SLC30A9: variants seen among roughly 807,000 people sequenced by gnomAD.
SLC30A9 encodes the protein proton-coupled zinc antiporter SLC30A9, mitochondrial.
A neutral mutation model predicts 87.5 loss-of-function variants in SLC30A9; 58 were observed. The observed-to-expected ratio is 0.66, with a 90% CI of 0.54 to 0.82. The LOEUF (loss-of-function observed/expected upper bound fraction) is 0.82. Among genes scored for constraint, SLC30A9 ranks in the 40% least tolerant of loss-of-function variants. The pLI is 0.00. For synonymous variants in SLC30A9, 234 were observed against 233.0 expected (o/e 1.00, Z -0.04); for missense variants, 557 against 679.1 (o/e 0.82, Z 2.00).
At chr4:42,085,258 G>T (rs1428988684) in intron 17 of SLC30A9, among the ~76,000 whole-genome samples, 4 of 152,140 alleles carry the variant, frequency 2.6e-5, no homozygotes, top group Non-Finnish European at 5.9e-5. Context: ...GATCTCATGA[G>T]CAAAATGGCT....
At chr4:42,031,679 G>A (rs1716444157) in intron 6 of SLC30A9, among the ~76,000 whole-genome samples, 1 of 152,128 alleles carries the variant, frequency 6.6e-6, no homozygotes, top group African/African-American at 2.4e-5. Flanking sequence ...TCCCAATTAA[G>A]TGAAATATTT....
chr4:42,029,087 G>A (rs1437581145), intron 6 of SLC30A9: 7 of 245,748 alleles, frequency 2.8e-5, no homozygotes, highest in Non-Finnish European at 2.5e-5. Flanking sequence ...CGCAGTGGCA[G>A]TGGTGTGTCC....
At chr4:42,070,353 C>T (rs1718260397) in intron 14 of SLC30A9, 173 bp from the exon 15 acceptor site, 1 of 504,012 alleles carries the variant, frequency 2.0e-6, no homozygotes, top group Non-Finnish European at 3.5e-6. Flanking sequence ...GTTGTAGCAT[C>T]CTCATTTTGT....
chr4:42,082,249 T>A (rs1189084360), intron 17 of SLC30A9, among the ~76,000 whole-genome samples: 2 of 142,872 alleles, frequency 1.4e-5, no homozygotes, highest in African/African-American at 4.9e-5. Flanking sequence ...TAAAATAAAA[T>A]AAAGATAATA....
At chr4:41,990,882 C>T (rs928226919) in intron 1 of SLC30A9, 122 bp downstream of exon 1, 3 of 706,228 alleles carry the variant, frequency 4.2e-6, no homozygotes, top group Non-Finnish European at 4.8e-6. Context: ...ACCTTCCTTT[C>T]TGGCCTCCGC....
At chr4:42,022,234 T>G (rs1452247529) in intron 4 of SLC30A9, among the ~76,000 whole-genome samples, 1 of 146,080 alleles carries the variant, frequency 6.8e-6, no homozygotes, top group Admixed American at 7.5e-5. Flanking sequence ...CGCACCTTGC[T>G]TATTTTTCAC....
At chr4:42,071,676 A>T (rs1226534347) in intron 15 of SLC30A9, among the ~76,000 whole-genome samples, 3 of 30,382 alleles carry the variant, frequency 9.9e-5, no homozygotes, top group African/African-American at 1.5e-4. Context: ...ACCCTGTCTC[A>T]AAAAAAAAAA....
intron 8 of SLC30A9, among the ~76,000 whole-genome samples, chr4:42,045,425 A>G (rs184120050): frequency 6.6e-6 from 1 of 152,166 alleles, no homozygotes; most frequent in African/African-American, 2.4e-5. Flanking sequence ...TCAGAGAATA[A>G]TATAAACACC....
intron 17 of SLC30A9, 137 bp from the exon 18 acceptor site, chr4:42,085,945 T>C (rs143070859): frequency 1.8e-5 from 5 of 277,952 alleles, no homozygotes; most frequent in African/African-American, 5.6e-5. Flanking sequence ...TTTTTTCTTA[T>C]GCAACTATTT....
At chr4:42,085,983 G>A in intron 17 of SLC30A9, 99 bp from the exon 18 acceptor site, 1 of 330,616 alleles carries the variant, frequency 3.0e-6, no homozygotes, top group Non-Finnish European at 5.5e-6. Context: ...TAGTGAAATA[G>A]TTTGCAAATG....
At chr4:42,031,278 A>C (rs1716423212) in intron 6 of SLC30A9, among the ~76,000 whole-genome samples, 1 of 152,220 alleles carries the variant, frequency 6.6e-6, no homozygotes, top group Non-Finnish European at 1.5e-5. Context: ...AAAAAAAAAA[A>C]CAGAAGACAT....
intron 6 of SLC30A9, among the ~76,000 whole-genome samples, chr4:42,031,126 A>T (rs1716414693): frequency 6.6e-6 from 1 of 152,224 alleles, no homozygotes; most frequent in Admixed American, 6.5e-5. Context: ...TATACAAAGC[A>T]ATGCAGTACT....
At chr4:42,071,743 G>A (rs1577721473) in intron 15 of SLC30A9, among the ~76,000 whole-genome samples, 1 of 152,034 alleles carries the variant, frequency 6.6e-6, no homozygotes, top group African/African-American at 2.4e-5. Context: ...TTAACATAAT[G>A]TGAGATAATC....
chr4:41,994,351 C>A (rs1714599569), intron 1 of SLC30A9, among the ~76,000 whole-genome samples: 1 of 151,576 alleles, frequency 6.6e-6, no homozygotes, highest in African/African-American at 2.4e-5. Context: ...AAAAATGTTA[C>A]TTAGTTTCTG....
In SLC30A9 at chr4:42,086,062, G is replaced by T; in HGVS notation, c.1663-20G>T. The T allele has an allele frequency of 7.7e-7, 1 of 1,307,170 alleles. No individual in the cohort carries two copies. The highest frequency in any genetic ancestry group is 1.0e-6 in the Non-Finnish European group (1 of 966,676). The allele number at this position is 1,307,170 out of a possible 1,614,324, so 81.0% of individuals were successfully genotyped here. ...ATTTTATTTTGCTACAAATAATGTG[G>T]TGGTGATTTTTCTTTCCAGAAACGA... On this transcript the variant is annotated intron_variant, in intron 17 of 17. Coordinates refer to ENST00000264451, the MANE Select transcript of SLC30A9 (RefSeq NM_006345.4).
chr4:42,065,290 T>C lies in SLC30A9; in HGVS notation c.1033-20T>C, dbSNP rs768548245. The C allele has an allele frequency of 5.5e-5, 65 of 1,182,714 alleles. No individual in the cohort carries two copies. Among genetic ancestry groups the C allele is most frequent in the Non-Finnish European group, 8.9e-6 (7 of 790,412 alleles). 73.3% of individuals were successfully genotyped at this position (1,182,714 alleles called of 1,614,324 possible). A position where few individuals can be genotyped will look rare whatever the true frequency, so the allele number is the denominator to read the frequency against. On this transcript the variant is annotated intron_variant, in intron 11 of 17. Transcript: ENST00000264451. ...TTGGAAGTACTTAATTTATGCTTTATTTTAATATTTCTTTTCTAGGCATAT... is the reference window on the plus strand; with the variant it reads ...TTGGAAGTACTTAATTTATGCTTTACTTTAATATTTCTTTTCTAGGCATAT...
chr4:42,037,248 T>A, intron 7 of SLC30A9, among the ~76,000 whole-genome samples: 1 of 66,242 alleles, frequency 1.5e-5, no homozygotes, highest in Non-Finnish European at 2.6e-5. Context: ...TCTTTTTTTT[T>A]TTTTTTTTTT....
At chr4:41,994,827 C>CAAAA (rs539190933) in intron 1 of SLC30A9, among the ~76,000 whole-genome samples, 1 of 94,776 alleles carries the variant, frequency 1.1e-5, no homozygotes, top group Admixed American at 1.0e-4. Context: ...GATGTGGTCT[C>CAAAA]AAAAAAAAAA....
At chr4:42,012,516 ATGT>A (rs1715492893) in intron 2 of SLC30A9, among the ~76,000 whole-genome samples, 1 of 152,168 alleles carries the variant, frequency 6.6e-6, no homozygotes, top group South Asian at 2.1e-4. Context: ...AGTACATGAG[ATGT>A]TGTGATACGG....
Sources: gnomAD v4.1 joint callset for allele counts (sites outside exome capture counted in the v4.1 genomes callset) on GRCh38, gnomAD v4.1.1 for gene constraint, MANE v1.5 for transcripts, NCBI Gene and HGNC (gene_info 2026-07-23, HGNC 2026-07-21) for gene names.